The following GPC6 variants were observed in gnomAD, a reference collection of about 807,000 sequenced individuals.
The protein encoded by GPC6 is glypican-6.
Under a neutral mutation model 55.2 loss-of-function variants are expected in GPC6, and 14 were observed. The ratio of observed to expected loss-of-function variants is 0.25; its 90% CI spans 0.17 to 0.40. GPC6 has a LOEUF of 0.40. Among genes scored for constraint, GPC6 ranks in the 10% least tolerant of loss-of-function variants. The pLI is 1.00. For synonymous variants in GPC6, 278 were observed against 259.6 expected, an observed-to-expected ratio of 1.07 and a Z score of -0.68; for missense variants, 641 against 708.5, an observed-to-expected ratio of 0.90 and a Z score of 1.08.
At position 93,898,253 on chromosome 13, in the gene GPC6, G is replaced by A. The variant is rs528364343; in HGVS notation, c.711+67708G>A. Among the ~76,000 whole-genome samples the A allele has an allele frequency of 5.3e-4, 81 of 152,174 alleles. 1 individual carries two copies. Among genetic ancestry groups the A allele is most frequent in the African/African-American group, 1.8e-3 (74 of 41,540 alleles). ...GCCATCACTGGCCTTATTGGTCACC[G>A]TATTGACACCATAATGGTGCAATAA... On this transcript the variant is annotated intron_variant, in intron 3 of 8. Coordinates refer to ENST00000377047, the MANE Select transcript of GPC6 (RefSeq NM_005708.5).
intron 2 of GPC6, among the ~76,000 whole-genome samples, chr13:93,561,493 T>C (rs960637205): frequency 4.0e-5 from 6 of 150,536 alleles, no homozygotes; most frequent in Non-Finnish European, 7.4e-5. Context: ...AAAATGAACA[T>C]GATCCTAAAT....
intron 3 of GPC6, among the ~76,000 whole-genome samples, chr13:94,004,552 T>C (rs1401000942): frequency 6.6e-6 from 1 of 152,188 alleles, no homozygotes; most frequent in African/African-American, 2.4e-5. Context: ...ACAAACCTTA[T>C]AATGAAATGA....
chr13:93,888,355 G>A (rs747814028), intron 3 of GPC6, among the ~76,000 whole-genome samples: 2 of 152,160 alleles, frequency 1.3e-5, no homozygotes, highest in Non-Finnish European at 2.9e-5. Flanking sequence ...GATATGCATA[G>A]CCTGATGGTC....
chr13:93,434,955 T>A (rs1877513603), intron 1 of GPC6, among the ~76,000 whole-genome samples: 1 of 152,210 alleles, frequency 6.6e-6, no homozygotes, highest in South Asian at 2.1e-4. Flanking sequence ...TCCGCCTGCC[T>A]TGGCCTCCCA....
intron 7 of GPC6, among the ~76,000 whole-genome samples, chr13:94,391,420 T>C (rs1386592038): frequency 1.3e-5 from 2 of 152,170 alleles, no homozygotes; most frequent in African/African-American, 4.8e-5. Flanking sequence ...CCTTATGCGC[T>C]TAACCGTATT....
At position 93,900,914 on chromosome 13, in the gene GPC6, C is replaced by T. The variant is rs139137084; in HGVS notation, c.711+70369C>T. ...ATATTATTTTAAGGGAAGAAAGTTC[C>T]GTATGACACAGTTGTTTTCTGTTAG... is the stretch of plus-strand genomic sequence containing the variant. On this transcript the variant is annotated intron_variant, in intron 3 of 8. Coordinates refer to ENST00000377047, the MANE Select transcript of GPC6 (RefSeq NM_005708.5). 3.7e-3 allele frequency among the ~76,000 whole-genome samples: 556 copies of T among 152,012 alleles called. 6 individuals are homozygous for T. Among genetic ancestry groups the T allele is most frequent in the African/African-American group, 0.013 (523 of 41,318 alleles).
chr13:93,551,124 A>T (rs1036083260), intron 2 of GPC6, among the ~76,000 whole-genome samples: 1 of 152,196 alleles, frequency 6.6e-6, no homozygotes, highest in African/African-American at 2.4e-5. Context: ...AAGTCCCAGG[A>T]CGAGACAAAA....
At chr13:94,345,080 A>G (rs564885847) in intron 6 of GPC6, among the ~76,000 whole-genome samples, 1 of 152,344 alleles carries the variant, frequency 6.6e-6, no homozygotes, top group South Asian at 2.1e-4. Flanking sequence ...AAACAAGTCT[A>G]TTAACTGGTC....
At chr13:93,654,419 C>T (rs1880563400) in intron 2 of GPC6, among the ~76,000 whole-genome samples, 1 of 151,996 alleles carries the variant, frequency 6.6e-6, no homozygotes, top group Non-Finnish European at 1.5e-5. Context: ...CCTCTGCCTC[C>T]TGGGTTCAAG....
intron 1 of GPC6, among the ~76,000 whole-genome samples, chr13:93,399,698 G>A (rs186218864): frequency 1.6e-4 from 25 of 152,262 alleles, no homozygotes; most frequent in Admixed American, 1.2e-3. Flanking sequence ...GTGCAACCAC[G>A]TGGACTTGGT....
chr13:93,975,975 T>C (rs1880498665), intron 3 of GPC6, among the ~76,000 whole-genome samples: 1 of 152,190 alleles, frequency 6.6e-6, no homozygotes, highest in Admixed American at 6.6e-5. Flanking sequence ...GATCTGACTG[T>C]CTTAAAATTT....
chr13:93,893,369 G>T lies in GPC6; in HGVS notation c.711+62824G>T, dbSNP rs72644439. 8.9e-3 allele frequency among the ~76,000 whole-genome samples: 1,352 copies of T among 152,056 alleles called. 13 individuals are homozygous for T. The highest frequency in any genetic ancestry group is 0.037 in the Middle Eastern group (11 of 294). Reference sequence around the variant, plus strand: ...CCGCTCCCGGCCATTAAAATCTTTTGATTTTTGACAGTTTATCAAAAAAGT... The same window carrying T: ...CCGCTCCCGGCCATTAAAATCTTTTTATTTTTGACAGTTTATCAAAAAAGT... On this transcript the variant is annotated intron_variant, in intron 3 of 8. Coordinates refer to ENST00000377047, the MANE Select transcript of GPC6 (RefSeq NM_005708.5).
rs1875845401 is a variant in GPC6 at position 93,227,673 on chromosome 13, C to G, written c.160+57C>G. 7.1e-7 allele frequency: 1 copy of G among 1,409,900 alleles called. No homozygotes were observed. The highest frequency in any genetic ancestry group is 2.0e-5 in the Admixed American group (1 of 49,266). 87.3% of individuals were successfully genotyped at this position (1,409,900 alleles called of 1,614,324 possible). On this transcript the variant is annotated intron_variant, in intron 1 of 8. Coordinates refer to ENST00000377047, the MANE Select transcript of GPC6 (RefSeq NM_005708.5). The surrounding 1 kb of genome is among the most constrained non-coding windows in gnomAD (Gnocchi z 4.3). ...CAGCCCTCGGCTGCCGCACGTCCCA[C>G]TGGCCGCCCGGCGTCCCCTTCCTTC...
intron 2 of GPC6, among the ~76,000 whole-genome samples, chr13:93,637,717 T>C (rs1006711750): frequency 6.6e-6 from 1 of 152,134 alleles, no homozygotes; most frequent in Non-Finnish European, 1.5e-5. Context: ...TATCTATGAA[T>C]AAATCTTTGT....
intron 4 of GPC6, among the ~76,000 whole-genome samples, chr13:94,153,562 A>T (rs1330110401): frequency 6.6e-6 from 1 of 152,196 alleles, no homozygotes. Context: ...GCTAGTGGGT[A>T]TGGCATCCAC....
intron 4 of GPC6, among the ~76,000 whole-genome samples, chr13:94,212,331 A>C (rs1890104081): frequency 6.6e-6 from 1 of 152,092 alleles, no homozygotes; most frequent in African/African-American, 2.4e-5. Context: ...AGAGTACTTA[A>C]CTCTTTTCTT....
chr13:93,655,175 G>A (rs142176606), intron 2 of GPC6, among the ~76,000 whole-genome samples: 81 of 152,134 alleles, frequency 5.3e-4, no homozygotes, highest in African/African-American at 1.7e-3. Flanking sequence ...ATCAGTCATT[G>A]TGACTTAGAA....
At chr13:93,923,574 ATACT>A (rs1877689841) in intron 3 of GPC6, among the ~76,000 whole-genome samples, 1 of 152,192 alleles carries the variant, frequency 6.6e-6, no homozygotes. Flanking sequence ...AGCAGACATA[ATACT>A]TCTCCTAGCA....
chr13:93,850,770 A>C (rs1888363066), intron 3 of GPC6, among the ~76,000 whole-genome samples: 1 of 151,984 alleles, frequency 6.6e-6, no homozygotes, highest in African/African-American at 2.4e-5. Flanking sequence ...GACCCTAATT[A>C]GTTGTCTGAA....
Sources: gnomAD v4.1 joint callset for allele counts (sites outside exome capture counted in the v4.1 genomes callset) on GRCh38, gnomAD v4.1.1 for gene constraint, Gnocchi (gnomAD v3.1) non-coding constraint, MANE v1.5 for transcripts, NCBI Gene and HGNC (gene_info 2026-07-23, HGNC 2026-07-21) for gene names.